Variants in BLTP3B observed in about 807,000 individuals in gnomAD.
BLTP3B encodes UHRF1 (ICBP90) binding protein 1-like.
chr12:100,047,572 G>C, the BLTP3B span: 11 of 1,613,348 alleles, frequency 6.8e-6, no homozygotes, highest in Non-Finnish European at 9.3e-6. Context: ...TCTACCACAA[G>C]ATGATCAATA....
chr12:100,063,886 C>T, the BLTP3B span, among the ~76,000 whole-genome samples: 1 of 152,030 alleles, frequency 6.6e-6, no homozygotes, highest in Non-Finnish European at 1.5e-5. Flanking sequence ...GGTTCTTTAA[C>T]ACCTCCAACA....
the BLTP3B span, among the ~76,000 whole-genome samples, chr12:100,130,639 G>A: frequency 3.3e-5 from 5 of 152,096 alleles, no homozygotes; most frequent in East Asian, 9.7e-4. Flanking sequence ...GTTGGGGCTG[G>A]GCGCGGTGGC....
chr12:100,102,567 T>C, the BLTP3B span, among the ~76,000 whole-genome samples: 2 of 152,156 alleles, frequency 1.3e-5, no homozygotes, highest in African/African-American at 4.8e-5. Flanking sequence ...CACTATTATT[T>C]AATAATAGCA....
chr12:100,063,743 T>C, the BLTP3B span, among the ~76,000 whole-genome samples: 2 of 143,992 alleles, frequency 1.4e-5, no homozygotes, highest in Non-Finnish European at 3.0e-5. Context: ...AAAGGGAGAA[T>C]ACCACTCCGA....
chr12:100,075,120 T>A, the BLTP3B span, among the ~76,000 whole-genome samples: 1 of 151,840 alleles, frequency 6.6e-6, no homozygotes, highest in Admixed American at 6.6e-5. Context: ...CAAGCAATTC[T>A]CCTGCCTCAG....
the BLTP3B span, chr12:100,058,223 A>G: frequency 6.2e-7 from 1 of 1,612,734 alleles, no homozygotes; most frequent in Non-Finnish European, 8.5e-7. Flanking sequence ...ATGAAAGTAT[A>G]TTCGAATCTT....
chr12:100,128,513 G>A, the BLTP3B span: 19 of 1,068,684 alleles, frequency 1.8e-5, no homozygotes, highest in African/African-American at 2.3e-4. Context: ...TCTTTATGCA[G>A]GGCATATTAA....
chr12:100,084,311 T>G, the BLTP3B span, among the ~76,000 whole-genome samples: 9 of 149,896 alleles, frequency 6.0e-5, no homozygotes, highest in Non-Finnish European at 1.2e-4. Flanking sequence ...CTAGGCAACA[T>G]AGCAAGACCC....
the BLTP3B span, among the ~76,000 whole-genome samples, chr12:100,056,984 C>T: frequency 6.6e-6 from 1 of 152,154 alleles, no homozygotes; most frequent in African/African-American, 2.4e-5. Flanking sequence ...GCAACTAACA[C>T]CTTCTAAGTC....
chr12:100,041,567 G>A, the BLTP3B span, among the ~76,000 whole-genome samples: 1 of 150,864 alleles, frequency 6.6e-6, no homozygotes, highest in East Asian at 2.0e-4. Flanking sequence ...CTCCCGAGTA[G>A]CTGGGACTAC....
chr12:100,082,993 C>T, the BLTP3B span: 20 of 1,574,640 alleles, frequency 1.3e-5, no homozygotes, highest in Non-Finnish European at 1.7e-5. Context: ...TATGAGAAAA[C>T]TTAATTGGAA....
chr12:100,142,383 C>A, the BLTP3B span, among the ~76,000 whole-genome samples: 2 of 152,182 alleles, frequency 1.3e-5, no homozygotes, highest in Admixed American at 1.3e-4. Flanking sequence ...TGGGAGAAGA[C>A]GCGTCAGGGG....
the BLTP3B span, among the ~76,000 whole-genome samples, chr12:100,073,363 ATT>A: frequency 5.0e-5 from 7 of 139,770 alleles, no homozygotes; most frequent in Non-Finnish European, 3.1e-5. Flanking sequence ...ACAGACACAG[ATT>A]TTTTTTTTTT....
the BLTP3B span, among the ~76,000 whole-genome samples, chr12:100,127,991 C>A: frequency 3.3e-5 from 5 of 152,184 alleles, no homozygotes; most frequent in African/African-American, 9.6e-5. Context: ...CTAGCCTGGG[C>A]AACAGAGCAA....
chr12:100,062,599 A>AG, the BLTP3B span, among the ~76,000 whole-genome samples: 19,918 of 152,206 alleles, frequency 0.13, 1,918 homozygotes, highest in African/African-American at 0.28. Flanking sequence ...AACTTTTTTC[A>AG]GAAAAAAAAG....
the BLTP3B span, among the ~76,000 whole-genome samples, chr12:100,130,068 C>T: frequency 6.6e-6 from 1 of 152,204 alleles, no homozygotes; most frequent in Non-Finnish European, 1.5e-5. Flanking sequence ...AGTGATTCTC[C>T]TGCCTCAGCC....
At chr12:100,047,799 T>G in the BLTP3B span, 2 of 1,128,146 alleles carry the variant, frequency 1.8e-6, no homozygotes, top group Admixed American at 6.3e-5. Flanking sequence ...AAAAAAGATC[T>G]CTACATCATT....
the BLTP3B span, chr12:100,108,340 T>G: frequency 1.3e-6 from 2 of 1,573,910 alleles, no homozygotes; most frequent in Non-Finnish European, 1.7e-6. Context: ...AAGGAAAACA[T>G]GAAAGGCCTT....
the BLTP3B span, chr12:100,059,619 T>C: frequency 7.1e-7 from 1 of 1,403,658 alleles, no homozygotes; most frequent in Non-Finnish European, 9.4e-7. Context: ...TCAGAAATTC[T>C]TTTTCTTGAC....
Sources: gnomAD v4.1 joint callset for allele counts (sites outside exome capture counted in the v4.1 genomes callset) on GRCh38, gnomAD v4.1.1 for gene constraint, MANE v1.5 for transcripts, NCBI Gene and HGNC (gene_info 2026-07-23, HGNC 2026-07-21) for gene names.